The following SPATA33 variants were observed in gnomAD, a reference collection of about 807,000 sequenced individuals.
SPATA33 encodes the protein spermatogenesis-associated protein 33.
In SPATA33, 10 loss-of-function variants were observed where a neutral mutation model predicts 8.9. That is an observed-to-expected ratio of 1.12 (90% CI 0.69 to 1.90). The LOEUF is 1.90. Among genes scored for constraint, SPATA33 ranks in the 40% most tolerant of loss-of-function variants. SPATA33 has a pLI of 0.00. For missense variants in SPATA33, 241 were observed against 178.3 expected (o/e 1.35, Z -2.00); for synonymous variants, 96 against 72.8 (o/e 1.32, Z -1.63).
rs1169997015 is a variant in SPATA33 at position 89,657,938 on chromosome 16, A to G, written c.27A>G (p.Lys9=). The change falls in exon 1 of 3, where the codon AAA becomes AAG. Residue 9 remains lysine, a synonymous_variant. Coordinates refer to ENST00000579310, the MANE Select transcript of SPATA33 (RefSeq NM_001271907.2). MGLSKSKE[K]PRKGEEQKKG... The stretch of plus-strand genomic sequence containing the variant: ...TGGGCCTTTCCAAAAGCAAAGAGAA[A>G]CCCAGGAAAGGTAAAGGAGGCGCAG... The G allele has an allele frequency of 4.6e-6, 7 of 1,516,670 alleles. No individual in the cohort carries two copies. The highest frequency in any genetic ancestry group is 1.9e-4 in the Middle Eastern group (1 of 5,396). 94.0% of individuals were successfully genotyped at this position (1,516,670 alleles called of 1,614,324 possible).
At position 89,658,240 on chromosome 16, in the gene SPATA33, T is replaced by C. The variant is rs1314022841; in HGVS notation, c.38-8T>C. 6.2e-7 allele frequency: 1 copy of C among 1,613,976 alleles called. No homozygotes were observed. The highest frequency in any genetic ancestry group is 8.5e-7 in the Non-Finnish European group (1 of 1,179,980). ...TCCCGGGTCTAACGGATGATCCATA[T>C]ATTTCAGGTGAGGAGCAAAAGAAGG... On this transcript the variant is annotated splice_polypyrimidine_tract_variant and splice_region_variant and intron_variant, in intron 1 of 2. Coordinates refer to ENST00000579310, the MANE Select transcript of SPATA33 (RefSeq NM_001271907.2).
chr16:89,657,853 C>G lies in SPATA33; in HGVS notation c.-59C>G. On this transcript the variant is annotated 5_prime_UTR_variant, in exon 1 of 3. Transcript: ENST00000579310. ...GACCTTTTGTGAGTCGCTCCCGGCT[C>G]CGCGGCCGCGGAGGTGTGGGGACCC... is the stretch of plus-strand genomic sequence containing the variant. 6.6e-7 allele frequency: 1 copy of G among 1,509,472 alleles called. No homozygotes were observed. The highest frequency in any genetic ancestry group is 8.8e-7 in the Non-Finnish European group (1 of 1,135,886). The allele number at this position is 1,509,472 out of a possible 1,614,324, so 93.5% of individuals were successfully genotyped here.
chr16:89,669,240 G>A, intron 2 of SPATA33, 46 bp from the exon 3 acceptor site: 1 of 1,567,086 alleles, frequency 6.4e-7, no homozygotes, highest in South Asian at 1.1e-5. Flanking sequence ...ATCGTGGAAG[G>A]AGCTTTCCAC....
At chr16:89,663,960 A>G (rs1234068241) in intron 2 of SPATA33, among the ~76,000 whole-genome samples, 2 of 152,164 alleles carry the variant, frequency 1.3e-5, no homozygotes, top group Non-Finnish European at 2.9e-5. Flanking sequence ...TTTTACAAAA[A>G]AGACAAGAAT....
chr16:89,667,166 C>G (rs565198908), intron 2 of SPATA33, among the ~76,000 whole-genome samples: 7 of 152,214 alleles, frequency 4.6e-5, no homozygotes, highest in Non-Finnish European at 1.0e-4. Flanking sequence ...AGACCATGGT[C>G]TGCTTGGCAA....
intron 2 of SPATA33, among the ~76,000 whole-genome samples, chr16:89,663,829 G>A (rs1359306193): frequency 2.6e-5 from 4 of 152,258 alleles, no homozygotes; most frequent in Middle Eastern, 3.4e-3. Flanking sequence ...TAAAACGTTC[G>A]CTTTGGGAGC....
At chr16:89,664,063 G>C (rs1419893513) in intron 2 of SPATA33, among the ~76,000 whole-genome samples, 1 of 152,136 alleles carries the variant, frequency 6.6e-6, no homozygotes, top group African/African-American at 2.4e-5. Context: ...GGGCTGCAGT[G>C]AGCCAAGATC....
chr16:89,662,860 C>A (rs1260014582), intron 2 of SPATA33, among the ~76,000 whole-genome samples: 1 of 152,178 alleles, frequency 6.6e-6, no homozygotes, highest in Non-Finnish European at 1.5e-5. Flanking sequence ...GTGGCACAAT[C>A]TTGGCTCATT....
chr16:89,665,968 T>C (rs1481238223), intron 2 of SPATA33, among the ~76,000 whole-genome samples: 1 of 152,060 alleles, frequency 6.6e-6, no homozygotes, highest in African/African-American at 2.4e-5. Flanking sequence ...TAGTGCCAGC[T>C]ACTTGGGGAG....
intron 2 of SPATA33, chr16:89,661,127 G>A (rs2059960931): frequency 1.0e-6 from 1 of 985,494 alleles, no homozygotes; most frequent in South Asian, 4.7e-5. Flanking sequence ...TTACTATGAA[G>A]CAGTAGTGAG....
chr16:89,657,843 G>C lies in SPATA33; in HGVS notation c.-69G>C. 7 of 1,509,646 alleles carry C rather than the reference G, an allele frequency of 4.6e-6. No individual in the cohort carries two copies. The highest frequency in any genetic ancestry group is 6.2e-6 in the Non-Finnish European group (7 of 1,135,478). The allele number at this position is 1,509,646 out of a possible 1,614,324, so 93.5% of individuals were successfully genotyped here. A position where few individuals can be genotyped will look rare whatever the true frequency, so the allele number is the denominator to read the frequency against. ...CTGGCGCGAGGACCTTTTGTGAGTC[G>C]CTCCCGGCTCCGCGGCCGCGGAGGT... On this transcript the variant is annotated 5_prime_UTR_variant, in exon 1 of 3. Coordinates refer to ENST00000579310, the MANE Select transcript of SPATA33 (RefSeq NM_001271907.2).
At chr16:89,664,327 C>A (rs527642006) in intron 2 of SPATA33, among the ~76,000 whole-genome samples, 1 of 138,962 alleles carries the variant, frequency 7.2e-6, no homozygotes, top group East Asian at 2.1e-4. Flanking sequence ...TCCTGGAAGG[C>A]GGTTTGGTAA....
Position 89,658,401 on chromosome 16 carries a change from C to A in SPATA33, c.191C>A (p.Pro64Gln). The change falls in exon 2 of 3, where the codon CCG becomes CAG. Residue 64 changes from proline to glutamine, a missense_variant. Coordinates refer to ENST00000579310, the MANE Select transcript of SPATA33 (RefSeq NM_001271907.2). The part of the protein sequence containing the change: ...HPGAGTAKHP[P>Q]PAASLEEKPD... ...GGGGCCGGGACAGCCAAGCACCCGC[C>A]GCCGGCAGCTTCGCTGGAAGGTAGG... 1 of 1,610,716 alleles carries A rather than the reference C, an allele frequency of 6.2e-7. No homozygotes were observed. The highest frequency in any genetic ancestry group is 2.2e-5 in the East Asian group (1 of 44,840).
intron 2 of SPATA33, among the ~76,000 whole-genome samples, chr16:89,662,057 C>T (rs1312229410): frequency 1.3e-5 from 2 of 151,976 alleles, no homozygotes; most frequent in Admixed American, 6.6e-5. Context: ...TTTGGGAGGC[C>T]GAGACGGGTG....
chr16:89,665,153 C>G (rs2060009569), intron 2 of SPATA33, among the ~76,000 whole-genome samples: 1 of 152,114 alleles, frequency 6.6e-6, no homozygotes, highest in African/African-American at 2.4e-5. Flanking sequence ...CGCCACCACC[C>G]CCAGCTATTT....
intron 2 of SPATA33, among the ~76,000 whole-genome samples, chr16:89,663,276 C>T (rs1419465413): frequency 1.4e-5 from 2 of 147,992 alleles, no homozygotes; most frequent in African/African-American, 5.0e-5. Context: ...GTGCAAATGG[C>T]ACGATCTTGG....
chr16:89,657,867 G>T lies in SPATA33; in HGVS notation c.-45G>T, dbSNP rs746720860. 7.3e-6 allele frequency: 11 copies of T among 1,513,020 alleles called. No individual in the cohort carries two copies. Among genetic ancestry groups the T allele is most frequent in the Non-Finnish European group, 8.8e-6 (10 of 1,137,584 alleles). 93.7% of individuals were successfully genotyped at this position (1,513,020 alleles called of 1,614,324 possible). A position where few individuals can be genotyped will look rare whatever the true frequency, so the allele number is the denominator to read the frequency against. On this transcript the variant is annotated 5_prime_UTR_variant, in exon 1 of 3. Coordinates refer to ENST00000579310, the MANE Select transcript of SPATA33 (RefSeq NM_001271907.2). ...CGCTCCCGGCTCCGCGGCCGCGGAG[G>T]TGTGGGGACCCGGGCTTGCGTCGGA...
intron 2 of SPATA33, among the ~76,000 whole-genome samples, chr16:89,666,513 A>G (rs917583687): frequency 6.6e-6 from 1 of 152,122 alleles, no homozygotes; most frequent in Non-Finnish European, 1.5e-5. Flanking sequence ...AAATTTCAAA[A>G]TTAGGTGGGT....
chr16:89,662,717 G>A (rs11645271), intron 2 of SPATA33, among the ~76,000 whole-genome samples: 2 of 151,214 alleles, frequency 1.3e-5, no homozygotes, highest in East Asian at 2.0e-4. Context: ...GTGAGCCACC[G>A]CACCTGGCCT....
Sources: allele counts gnomAD v4.1 joint callset (sites outside exome capture counted in the v4.1 genomes callset), GRCh38; gene constraint gnomAD v4.1.1; transcripts MANE v1.5; gene names NCBI Gene and HGNC (gene_info 2026-07-23, HGNC 2026-07-21).